GRID2: variants seen among roughly 807,000 people sequenced by gnomAD.
GRID2 encodes the protein glutamate receptor ionotropic, delta-2.
A neutral mutation model predicts 114.8 loss-of-function variants in GRID2; 33 were observed. The ratio of observed to expected loss-of-function variants is 0.29; its 90% confidence interval spans 0.22 to 0.38. The LOEUF (loss-of-function observed/expected upper bound fraction) is 0.38. Ranked by LOEUF, GRID2 falls within the 10% of genes least tolerant of loss-of-function variation. The pLI, the probability that GRID2 is intolerant of heterozygous loss-of-function variation, is 1.00. For missense variants in GRID2, 1,184 were observed against 1,257.7 expected, an observed-to-expected ratio of 0.94 and a Z score of 0.89; for synonymous variants, 505 against 449.9, an observed-to-expected ratio of 1.12 and a Z score of -1.55.
At chr4:92,849,577 C>T (rs945356226) in intron 2 of GRID2, among the ~76,000 whole-genome samples, 2 of 151,850 alleles carry the variant, frequency 1.3e-5, no homozygotes, top group African/African-American at 4.8e-5. Context: ...CTCACATTGT[C>T]AGCTTCTAGA....
Position 93,062,778 on chromosome 4 carries a change from TA to T in GRID2, c.245-22213del, listed in dbSNP as rs1727921415. ...GGGAACGAAGTTGACCTTGACTCTA[TA>T]AAAGTATTTTCTGTATTCAGGAAAG... On this transcript the variant is annotated intron_variant, in intron 2 of 15. Transcript: ENST00000282020. Among the ~76,000 whole-genome samples, 2 of 152,018 alleles carry T rather than the reference TA, an allele frequency of 1.3e-5. 1 individual carries two copies. Among genetic ancestry groups the T allele is most frequent in the Admixed American group, 1.3e-4 (2 of 15,212 alleles).
intron 2 of GRID2, among the ~76,000 whole-genome samples, chr4:92,966,504 C>T: frequency 6.6e-6 from 1 of 151,840 alleles, no homozygotes; most frequent in Non-Finnish European, 1.5e-5. Flanking sequence ...CCAAATCTCA[C>T]CTTGAATTGT....
At chr4:93,173,140 T>C (rs1163804328) in intron 4 of GRID2, among the ~76,000 whole-genome samples, 4 of 152,188 alleles carry the variant, frequency 2.6e-5, no homozygotes, top group African/African-American at 9.7e-5. Flanking sequence ...AATTAGACTA[T>C]TTAGATGAAT....
Position 93,744,783 on chromosome 4 carries a change from T to C in GRID2, c.2361-24427T>C, listed in dbSNP as rs143951371. On this transcript the variant is annotated intron_variant, in intron 14 of 15. Transcript: ENST00000282020. ...TGCTATCAAACAGCTTTGCATGCTA[T>C]AGAGAAATCTTTTGTGAAAGGAATA... Among the ~76,000 whole-genome samples the C allele has an allele frequency of 1.1e-4, 17 of 152,282 alleles. No homozygotes were observed. The East Asian group carries it at 3.1e-3, about 28-fold the overall frequency.
At chr4:92,380,155 T>C (rs56896570) in intron 1 of GRID2, among the ~76,000 whole-genome samples, 2 of 150,708 alleles carry the variant, frequency 1.3e-5, no homozygotes, top group African/African-American at 2.5e-5. Context: ...ATTTTTACTT[T>C]TTTTTTGTAT....
intron 1 of GRID2, among the ~76,000 whole-genome samples, chr4:92,513,263 C>T (rs1724343717): frequency 6.6e-6 from 1 of 151,808 alleles, no homozygotes; most frequent in Non-Finnish European, 1.5e-5. Context: ...CACATTTTGT[C>T]ACAGGATTCT....
At chr4:93,655,880 A>G (rs1722949636) in intron 14 of GRID2, among the ~76,000 whole-genome samples, 1 of 152,058 alleles carries the variant, frequency 6.6e-6, no homozygotes. Flanking sequence ...ACAGTGATAT[A>G]TACACCAATG....
In GRID2 at chr4:93,592,680, G is replaced by A. The variant is rs559994030; in HGVS notation, c.2194-33589G>A. On this transcript the variant is annotated intron_variant, in intron 13 of 15. Coordinates refer to ENST00000282020, the MANE Select transcript of GRID2 (RefSeq NM_001510.4). The stretch of plus-strand genomic sequence containing the variant: ...GGTGTTAAAGTCTCCCACTATTAAT[G>A]TGTGGGAGTCTAAGTCTCTTTGTAG... 2.0e-5 allele frequency among the ~76,000 whole-genome samples: 3 copies of A among 152,220 alleles called. No individual in the cohort carries two copies. The East Asian group carries it at 5.8e-4, about 29-fold the overall frequency.
chr4:93,364,280 A>T (rs547013237), intron 8 of GRID2, among the ~76,000 whole-genome samples: 2 of 152,234 alleles, frequency 1.3e-5, no homozygotes, highest in Admixed American at 6.5e-5. Context: ...TAACTTTGGA[A>T]TTAAAAAATA....
chr4:93,380,219 G>T (rs563531492), intron 8 of GRID2, among the ~76,000 whole-genome samples: 2 of 151,966 alleles, frequency 1.3e-5, no homozygotes, highest in African/African-American at 4.8e-5. Flanking sequence ...ATTTAAAACA[G>T]AAAAGGAAGA....
chr4:93,111,349 T>G (rs1732742612), intron 4 of GRID2, among the ~76,000 whole-genome samples: 1 of 152,182 alleles, frequency 6.6e-6, no homozygotes, highest in South Asian at 2.1e-4. Context: ...ATCAGGACAT[T>G]ATTGCCTAAA....
chr4:92,330,411 C>T (rs1016800094), intron 1 of GRID2, among the ~76,000 whole-genome samples: 9 of 151,994 alleles, frequency 5.9e-5, no homozygotes, highest in African/African-American at 9.7e-5. Flanking sequence ...TCTGTACAAG[C>T]GTGTCTCACT....
Position 92,366,501 on chromosome 4 carries a change from C to T in GRID2, c.88+61757C>T, listed in dbSNP as rs567121630. 2.0e-5 allele frequency among the ~76,000 whole-genome samples: 3 copies of T among 152,074 alleles called. No homozygotes were observed. The East Asian group carries it at 5.8e-4, about 30-fold the overall frequency. ...AGTGCCTGCCATATATTACGTATGG[C>T]AGGCACTCAAGGAAAACTGACTACT... On this transcript the variant is annotated intron_variant, in intron 1 of 15. Transcript: ENST00000282020.
intron 11 of GRID2, among the ~76,000 whole-genome samples, chr4:93,463,793 T>C (rs1723985008): frequency 6.6e-6 from 1 of 151,922 alleles, no homozygotes; most frequent in South Asian, 2.1e-4. Flanking sequence ...ATCGAGACCA[T>C]CCTGGCTAAC....
At chr4:93,024,010 G>A (rs1723645729) in intron 2 of GRID2, among the ~76,000 whole-genome samples, 1 of 151,678 alleles carries the variant, frequency 6.6e-6, no homozygotes, top group Non-Finnish European at 1.5e-5. Context: ...AAAGATAAAA[G>A]AAAATCTCTA....
intron 2 of GRID2, among the ~76,000 whole-genome samples, chr4:93,014,915 G>C (rs1293977750): frequency 1.3e-5 from 2 of 152,066 alleles, no homozygotes; most frequent in African/African-American, 4.8e-5. Context: ...TAATACAAAA[G>C]TGTTATTCAC....
intron 14 of GRID2, among the ~76,000 whole-genome samples, chr4:93,742,829 G>C (rs1016223696): frequency 4.6e-5 from 7 of 151,972 alleles, no homozygotes; most frequent in African/African-American, 1.7e-4. Flanking sequence ...TTGAAATTTG[G>C]CTAAATAATA....
chr4:92,374,661 T>A (rs1729273243), intron 1 of GRID2, among the ~76,000 whole-genome samples: 2 of 152,184 alleles, frequency 1.3e-5, no homozygotes, highest in Admixed American at 6.5e-5. Context: ...AATAATTTGA[T>A]GATTTTGAAA....
chr4:92,406,610 G>T (rs1405876836), intron 1 of GRID2, among the ~76,000 whole-genome samples: 1 of 151,760 alleles, frequency 6.6e-6, no homozygotes. Context: ...TGGGTAAATT[G>T]TATGACACTG....
Sources: allele counts gnomAD v4.1 joint callset (sites outside exome capture counted in the v4.1 genomes callset), GRCh38; gene constraint gnomAD v4.1.1; transcripts MANE v1.5; gene names NCBI Gene and HGNC (gene_info 2026-07-23, HGNC 2026-07-21).